Variants in CASZ1 observed in about 807,000 individuals in gnomAD.
CASZ1 encodes zinc finger protein castor homolog 1.
CASZ1 carries 28 observed loss-of-function variants against 135.2 expected under a neutral mutation model. That is an observed-to-expected ratio of 0.21 (90% CI 0.15 to 0.28). The LOEUF is 0.28. CASZ1 is among the 10% of genes least tolerant of loss of function. The probability of loss-of-function intolerance (pLI) is 1.00; values close to 1 mark genes in which losing one functional copy is unlikely to be tolerated. For missense variants in CASZ1, 2,161 were observed against 2,453.3 expected, an observed-to-expected ratio of 0.88 and a Z score of 2.52; for synonymous variants, 1,068 against 1,073.4, an observed-to-expected ratio of 0.99 and a Z score of 0.10.
chr1:10,658,362 C>T (rs1410962494), intron 7 of CASZ1, 146 bp downstream of exon 7: 14 of 660,230 alleles, frequency 2.1e-5, no homozygotes, highest in Middle Eastern at 2.5e-4. Flanking sequence ...GCCCTCGGTG[C>T]GGTGGAGGGA....
intron 13 of CASZ1, 111 bp downstream of exon 13, chr1:10,650,579 ACT>A: frequency 1.2e-6 from 1 of 861,788 alleles, no homozygotes; most frequent in Non-Finnish European, 2.0e-6. Context: ...AATGGTACAA[ACT>A]CATCTTATTA....
In CASZ1 at chr1:10,656,552, AC is replaced by A. The variant is rs994119040; in HGVS notation, c.1500+93del. The A allele has an allele frequency of 3.0e-4, 272 of 919,788 alleles. 1 individual carries two copies. The highest frequency in any genetic ancestry group is 1.5e-3 in the East Asian group (56 of 37,266). 57.0% of individuals were successfully genotyped at this position (919,788 alleles called of 1,614,324 possible). A position where few individuals can be genotyped will look rare whatever the true frequency, so the allele number is the denominator to read the frequency against. On this transcript the variant is annotated intron_variant, in intron 8 of 20. Transcript: ENST00000377022. ...AGTTTGGGTGGTGCAACTAGAACTA[AC>A]CCCCCCCACTGCCGTCCCCGCCTGC...
Position 10,638,984 on chromosome 1 carries a change from C to A in CASZ1, c.5238G>T (p.Leu1746=). 1 of 981,720 alleles carries A rather than the reference C, an allele frequency of 1.0e-6. No homozygotes were observed. Among genetic ancestry groups the A allele is most frequent in the South Asian group, 4.5e-5 (1 of 22,058 alleles). 60.8% of individuals were successfully genotyped at this position (981,720 alleles called of 1,614,324 possible). The change falls in exon 21 of 21, where the codon CTG becomes CTT. Residue 1746 remains leucine, a synonymous_variant. Coordinates refer to ENST00000377022, the MANE Select transcript of CASZ1 (RefSeq NM_001079843.3). The surrounding 1 kb of genome is among the most constrained non-coding windows in gnomAD (Gnocchi z 5.9). ...CAGTGGGCGCGGGGCCGGGGGCGCCCAGGGCCGCCAGCGCCGCCAAGGCCG... is the reference window on the plus strand; with the variant it reads ...CAGTGGGCGCGGGGCCGGGGGCGCCAAGGGCCGCCAGCGCCGCCAAGGCCG... The part of the protein sequence containing the change: ...RTPALAALAA[L]GAPGPAPTAA...
At chr1:10,746,265 C>T (rs578171354) in intron 2 of CASZ1, among the ~76,000 whole-genome samples, 58 of 152,198 alleles carry the variant, frequency 3.8e-4, no homozygotes, top group African/African-American at 1.0e-3. Context: ...CACACGTGCG[C>T]GCACACACAC....
chr1:10,741,526 A>T lies in CASZ1; in HGVS notation c.-77+19175T>A, dbSNP rs1382450167. Among the ~76,000 whole-genome samples, 2 of 152,120 alleles carry T rather than the reference A, an allele frequency of 1.3e-5. No individual in the cohort carries two copies. The highest frequency in any genetic ancestry group is 2.9e-5 in the Non-Finnish European group (2 of 68,034). On this transcript the variant is annotated intron_variant, in intron 2 of 20. Coordinates refer to ENST00000377022, the MANE Select transcript of CASZ1 (RefSeq NM_001079843.3). This position sits in a 1 kb window ranked among gnomAD's most constrained non-coding sequence, Gnocchi z 5.0. ...TGATGAGGCTGGTCTAGCAGAGCTC[A>T]CGGTGGAAAAAAGAGATTTAGATAT...
chr1:10,728,651 G>A (rs1639638958), intron 2 of CASZ1, among the ~76,000 whole-genome samples: 1 of 151,912 alleles, frequency 6.6e-6, no homozygotes. Flanking sequence ...GCGCTCCTGA[G>A]GGGTGATTGA....
chr1:10,792,342 G>A (rs11121626), intron 1 of CASZ1, among the ~76,000 whole-genome samples: 4 of 2,020 alleles, frequency 2.0e-3, no homozygotes, highest in African/African-American at 3.0e-3. Flanking sequence ...CCCCCCCCCG[G>A]CCCCGCACAC....
Position 10,636,893 on chromosome 1 carries a change from C to CATAT in CASZ1, c.*2045_*2048dup, listed in dbSNP as rs969436337. The stretch of plus-strand genomic sequence containing the variant: ...ATATACATATAGATATATACACACA[C>CATAT]ATATGTGCATACATATTATTTGATA... On this transcript the variant is annotated 3_prime_UTR_variant, in exon 21 of 21. Coordinates refer to ENST00000377022, the MANE Select transcript of CASZ1 (RefSeq NM_001079843.3). 1 of 151,862 alleles carries CATAT rather than the reference C, an allele frequency of 6.6e-6. No homozygotes were observed. The highest frequency in any genetic ancestry group is 6.6e-5 in the Admixed American group (1 of 15,216). The allele number at this position is 151,862 out of a possible 1,614,324, so 9.4% of individuals were successfully genotyped here. A position where few individuals can be genotyped will look rare whatever the true frequency, so the allele number is the denominator to read the frequency against.
Position 10,642,890 on chromosome 1 carries a change from G to T in CASZ1, c.4131C>A (p.Ser1377Arg). Reference protein sequence around the residue: ...ESSTMDRSCSSTPVGNESTAA... With the variant: ...ESSTMDRSCSRTPVGNESTAA... ...CGGTGCTCTCGTTACCCACGGGGGT[G>T]CTGGAGCAGCTCCGGTCCATGGTGG... is the stretch of plus-strand genomic sequence containing the variant. Residue 1377 changes from serine (S) to arginine (R), a missense_variant, in exon 20 of 21, where the codon AGC becomes AGA. Coordinates refer to ENST00000377022, the MANE Select transcript of CASZ1 (RefSeq NM_001079843.3). 6.2e-7 allele frequency: 1 copy of T among 1,613,004 alleles called. No individual in the cohort carries two copies.
intron 1 of CASZ1, among the ~76,000 whole-genome samples, chr1:10,782,745 G>C (rs985832723): frequency 6.6e-6 from 1 of 152,226 alleles, no homozygotes; most frequent in South Asian, 2.1e-4. Flanking sequence ...GGCGGGAAGG[G>C]GAGTGGGCCT....
At chr1:10,672,821 A>G (rs1486683253) in intron 4 of CASZ1, among the ~76,000 whole-genome samples, 1 of 152,204 alleles carries the variant, frequency 6.6e-6, no homozygotes, top group Non-Finnish European at 1.5e-5. Context: ...CCTGCGAGAG[A>G]CACACTCATC....
intron 1 of CASZ1, among the ~76,000 whole-genome samples, chr1:10,779,983 C>T (rs1484913920): frequency 6.6e-6 from 1 of 152,142 alleles, no homozygotes; most frequent in African/African-American, 2.4e-5. Flanking sequence ...GGGGCAGAGG[C>T]TCCACCAACA....
intron 13 of CASZ1, chr1:10,649,999 G>A (rs1178488166): frequency 2.0e-5 from 3 of 153,208 alleles, no homozygotes; most frequent in East Asian, 3.8e-4. Flanking sequence ...AGGAAGGGGA[G>A]GGGGAAGGAG....
At chr1:10,649,658 G>A in intron 13 of CASZ1, 4 of 552,738 alleles carry the variant, frequency 7.2e-6, no homozygotes, top group Non-Finnish European at 1.3e-5. Context: ...GGCCTCCTCA[G>A]GGCTCCTCCA....
rs1570386471 is a variant in CASZ1, at chr1:10,637,937, C to G, written c.*1005G>C. ...CCTTTTTTCTTGTCTCTACAAAATT[C>G]AAGTTAAGAGTTGGAATCACGCAGC... On this transcript the variant is annotated 3_prime_UTR_variant, in exon 21 of 21. Coordinates refer to ENST00000377022, the MANE Select transcript of CASZ1 (RefSeq NM_001079843.3). 2.0e-5 allele frequency: 3 copies of G among 152,186 alleles called. No homozygotes were observed. The highest frequency in any genetic ancestry group is 2.9e-5 in the Non-Finnish European group (2 of 68,012). The allele number at this position is 152,186 out of a possible 1,614,324, so 9.4% of individuals were successfully genotyped here. A position where few individuals can be genotyped will look rare whatever the true frequency, so the allele number is the denominator to read the frequency against.
At chr1:10,668,723 G>A (rs1017700292) in intron 4 of CASZ1, among the ~76,000 whole-genome samples, 4 of 152,266 alleles carry the variant, frequency 2.6e-5, no homozygotes, top group Non-Finnish European at 5.9e-5. Flanking sequence ...CCCTGCGCTA[G>A]CTCTGGCCCT....
chr1:10,739,465 C>T lies in CASZ1; in HGVS notation c.-77+21236G>A, dbSNP rs1286692958. ...CCCACACAAGGGCGGTCTGCTCTCA[C>T]TCCCCTCGCTGCTCTGTAATTAAGC... is the stretch of plus-strand genomic sequence containing the variant. On this transcript the variant is annotated intron_variant, in intron 2 of 20. Coordinates refer to ENST00000377022, the MANE Select transcript of CASZ1 (RefSeq NM_001079843.3). The surrounding 1 kb of genome is among the most constrained non-coding windows in gnomAD (Gnocchi z 4.8). Among the ~76,000 whole-genome samples the T allele has an allele frequency of 6.6e-6, 1 of 152,174 alleles. No individual in the cohort carries two copies. The highest frequency in any genetic ancestry group is 6.5e-5 in the Admixed American group (1 of 15,292).
chr1:10,658,698 G>A (rs1447634475), intron 6 of CASZ1, 122 bp from the exon 7 acceptor site: 14 of 842,778 alleles, frequency 1.7e-5, no homozygotes, highest in Non-Finnish European at 7.9e-6. Context: ...TGCAGTGTCC[G>A]AGGCACCCAC....
chr1:10,773,338 C>G (rs527308619), intron 1 of CASZ1, among the ~76,000 whole-genome samples: 14 of 142,720 alleles, frequency 9.8e-5, no homozygotes. Context: ...TCAGGTGTGC[C>G]GGCTACGGGC....
Sources: allele counts gnomAD v4.1 joint callset (sites outside exome capture counted in the v4.1 genomes callset), GRCh38; gene constraint gnomAD v4.1.1; non-coding constraint Gnocchi (gnomAD v3.1); transcripts MANE v1.5; gene names NCBI Gene and HGNC (gene_info 2026-07-23, HGNC 2026-07-21).